Variants in PKD1L1 observed in about 807,000 individuals in gnomAD.
PKD1L1 encodes the protein polycystin 1 like 1, transient receptor potential channel interacting.
PKD1L1 carries 236 observed loss-of-function variants against 323.4 expected under a neutral mutation model. The ratio of observed to expected loss-of-function variants is 0.73; its 90% confidence interval spans 0.66 to 0.81. The LOEUF is 0.81. Ranked by LOEUF, PKD1L1 falls within the 40% of genes least tolerant of loss-of-function variation. The pLI, the probability that PKD1L1 is intolerant of heterozygous loss-of-function variation, is 0.00. For missense variants in PKD1L1, 3,320 were observed against 3,508.0 expected (o/e 0.95, Z 1.35); for synonymous variants, 1,344 against 1,335.0 (o/e 1.01, Z -0.15).
chr7:47,950,245 C>T (rs1449689470), upstream of PKD1L1, among the ~76,000 whole-genome samples: 2 of 152,122 alleles, frequency 1.3e-5, no homozygotes, highest in African/African-American at 2.4e-5. Context: ...CATACCCACA[C>T]GCACACCTGG....
chr7:47,814,084 C>T, intron 47 of PKD1L1, 70 bp from the exon 48 acceptor site: 3 of 1,320,844 alleles, frequency 2.3e-6, no homozygotes, highest in Non-Finnish European at 3.2e-6. Flanking sequence ...CAAGCGTGCT[C>T]AAAAGGCGTG....
At chr7:47,923,018 A>C (rs1384425736) in intron 7 of PKD1L1, among the ~76,000 whole-genome samples, 1 of 152,206 alleles carries the variant, frequency 6.6e-6, no homozygotes. Flanking sequence ...GATGCTGTTA[A>C]TCCATAACCT....
chr7:47,943,155 AAAAAAAAAAT>A (rs1788024912), intron 2 of PKD1L1, among the ~76,000 whole-genome samples: 1 of 63,270 alleles, frequency 1.6e-5, no homozygotes, highest in East Asian at 6.0e-4. Context: ...CAAAAAAAAA[AAAAAAAAAAT>A]ATATATATAT....
chr7:47,880,284 A>ATTTTTTTTTT (rs35198089), intron 21 of PKD1L1, among the ~76,000 whole-genome samples: 11 of 56,778 alleles, frequency 1.9e-4, no homozygotes, highest in Admixed American at 2.4e-4. Context: ...ATATATATAT[A>ATTTTTTTTTT]TTTTTTTTTT....
intron 31 of PKD1L1, among the ~76,000 whole-genome samples, chr7:47,850,475 T>C (rs1290483492): frequency 6.6e-6 from 1 of 151,352 alleles, no homozygotes; most frequent in Non-Finnish European, 1.5e-5. Context: ...CTACTAAAAA[T>C]ACAAAAATTA....
At chr7:47,953,709 G>A in the PKD1L1 span, among the ~76,000 whole-genome samples, 1 of 152,252 alleles carries the variant, frequency 6.6e-6, no homozygotes, top group Non-Finnish European at 1.5e-5. Context: ...AGGAGCTGCT[G>A]TGGGAAGGCC....
intron 40 of PKD1L1, 82 bp from the exon 41 acceptor site, chr7:47,833,334 C>T (rs774441146): frequency 7.5e-6 from 11 of 1,474,308 alleles, no homozygotes; most frequent in East Asian, 7.3e-5. Context: ...TGTGGCTTGC[C>T]GCCTTCTCAG....
In PKD1L1 at chr7:47,880,819, A is replaced by G. The variant is rs1406174101; in HGVS notation, c.3443-14T>C. ...GTTCTGTAATACCTGCAGAAAAGAC[A>G]TGGCTGCATGGAAATGACAGTCAGT... On this transcript the variant is annotated splice_polypyrimidine_tract_variant and intron_variant, in intron 20 of 56. Transcript: ENST00000289672. The G allele has an allele frequency of 6.3e-7, 1 of 1,587,788 alleles. No homozygotes were observed. Among genetic ancestry groups the G allele is most frequent in the East Asian group, 2.3e-5 (1 of 43,356 alleles).
At chr7:47,943,163 A>AATATATATAT (rs60168291) in intron 2 of PKD1L1, among the ~76,000 whole-genome samples, 1 of 34,146 alleles carries the variant, frequency 2.9e-5, no homozygotes, top group African/African-American at 1.0e-4. Context: ...AAAAAAAAAA[A>AATATATATAT]ATATATATAT....
At chr7:47,831,485 T>C in intron 41 of PKD1L1, 133 bp from the exon 42 acceptor site, 1 of 1,219,410 alleles carries the variant, frequency 8.2e-7, no homozygotes, top group Non-Finnish European at 1.1e-6. Context: ...TTAAATGTGA[T>C]TTTTGAGTGT....
chr7:47,942,963 G>A (rs943735762), intron 2 of PKD1L1, among the ~76,000 whole-genome samples: 3 of 151,842 alleles, frequency 2.0e-5, no homozygotes, highest in Non-Finnish European at 2.9e-5. Context: ...TGGCTAACAC[G>A]GTGAAACCCT....
Position 47,831,265 on chromosome 7 carries a change from C to T in PKD1L1, c.6425G>A (p.Gly2142Glu), listed in dbSNP as rs2128735382. 1 of 1,614,102 alleles carries T rather than the reference C, an allele frequency of 6.2e-7. No individual in the cohort carries two copies. The highest frequency in any genetic ancestry group is 8.5e-7 in the Non-Finnish European group (1 of 1,180,000). ...CAAACTGCAGGCCAAAGAAGCGGTC[C>T]CACAAATGGCCCACACTGCAGAGCT... Reference protein sequence around the residue: ...WWSSAVWAICGTASLACSLGT... With the variant: ...WWSSAVWAICETASLACSLGT... The change falls in exon 42 of 57, where the codon GGG becomes GAG. Residue 2142 changes from glycine to glutamate, a missense_variant. Coordinates refer to ENST00000289672, the MANE Select transcript of PKD1L1 (RefSeq NM_138295.5).
chr7:47,782,690 C>T (rs1346937085), intron 56 of PKD1L1, among the ~76,000 whole-genome samples: 2 of 152,206 alleles, frequency 1.3e-5, no homozygotes, highest in African/African-American at 4.8e-5. Flanking sequence ...GACCCTCTGT[C>T]TTCCCCTCAA....
intron 2 of PKD1L1, among the ~76,000 whole-genome samples, chr7:47,940,893 C>T (rs1302837140): frequency 6.6e-6 from 1 of 152,210 alleles, no homozygotes; most frequent in African/African-American, 2.4e-5. Context: ...TGCCACATCC[C>T]ATGTCTGTGA....
chr7:47,923,335 TAA>T (rs371527820), intron 7 of PKD1L1, among the ~76,000 whole-genome samples: 4 of 123,538 alleles, frequency 3.2e-5, no homozygotes, highest in Admixed American at 8.2e-5. Context: ...CAATAAATAC[TAA>T]AAAAAAAAAA....
At position 47,825,685 on chromosome 7, in the gene PKD1L1, CT is replaced by C. The variant is rs529811244; in HGVS notation, c.6854+1664del. Among the ~76,000 whole-genome samples, 170 of 151,678 alleles carry C rather than the reference CT, an allele frequency of 1.1e-3. 1 individual carries two copies. The highest frequency in any genetic ancestry group is 4.1e-3 in the African/African-American group (169 of 41,354). ...GTAATCCAATTTACTTTTATTTTCC[CT>C]TTTTGTGTCTGGATTTTAAGTCATA... On this transcript the variant is annotated intron_variant, in intron 45 of 56. Transcript: ENST00000289672.
chr7:47,807,608 C>G (rs1784807869), intron 52 of PKD1L1, among the ~76,000 whole-genome samples: 1 of 152,172 alleles, frequency 6.6e-6, no homozygotes, highest in Admixed American at 6.5e-5. Context: ...TCTTCCACCA[C>G]CACAGGAAGG....
Position 47,831,423 on chromosome 7 carries a change from G to A in PKD1L1, c.6338-71C>T, listed in dbSNP as rs539881294. 3.3e-6 allele frequency: 5 copies of A among 1,531,008 alleles called. No homozygotes were observed. In the African/African-American group the frequency reaches 4.1e-5, roughly 13 times the overall value. 94.8% of individuals were successfully genotyped at this position (1,531,008 alleles called of 1,614,324 possible). ...CATCTCCATCCACGCGGAGTGTGGT[G>A]GTGAATCTTAGGTGTCAACTAGGCT... On this transcript the variant is annotated intron_variant, in intron 41 of 56. Transcript: ENST00000289672.
intron 7 of PKD1L1, among the ~76,000 whole-genome samples, chr7:47,917,485 C>T (rs910792307): frequency 3.9e-5 from 6 of 152,152 alleles, no homozygotes; most frequent in Non-Finnish European, 4.4e-5. Flanking sequence ...CAAAGAATAG[C>T]TGGGAAATTC....
Sources: gnomAD v4.1 joint callset for allele counts (sites outside exome capture counted in the v4.1 genomes callset) on GRCh38, gnomAD v4.1.1 for gene constraint, MANE v1.5 for transcripts, NCBI Gene and HGNC (gene_info 2026-07-23, HGNC 2026-07-21) for gene names.